ARID1B: variants seen among roughly 807,000 people sequenced by gnomAD.
ARID1B encodes AT-rich interactive domain-containing protein 1B.
In ARID1B, 30 loss-of-function variants were observed where a neutral mutation model predicts 212.3. The ratio of observed to expected loss-of-function variants is 0.14; its 90% CI spans 0.11 to 0.19. ARID1B has a LOEUF of 0.19. Among genes scored for constraint, ARID1B ranks in the 10% least tolerant of loss-of-function variants. The pLI is 1.00. For synonymous variants in ARID1B, 1,402 were observed against 1,301.7 expected (o/e 1.08, Z -1.66); for missense variants, 2,891 against 3,204.0 (o/e 0.90, Z 2.36).
chr6:156,866,095 C>T (rs772355925), intron 2 of ARID1B, among the ~76,000 whole-genome samples: 3 of 152,082 alleles, frequency 2.0e-5, no homozygotes, highest in Non-Finnish European at 4.4e-5. Flanking sequence ...TGGGACATTC[C>T]CACTCCCATC....
At chr6:156,938,313 G>A (rs1477437657) in intron 4 of ARID1B, 1 of 152,100 alleles carries the variant, frequency 6.6e-6, no homozygotes, top group Non-Finnish European at 1.5e-5. Flanking sequence ...ATTAGATACT[G>A]TAGTCCTCTA....
rs372876025 is a variant in ARID1B at position 156,815,333 on chromosome 6, G to A, written c.1792-13894G>A. On this transcript the variant is annotated intron_variant, in intron 1 of 19. Coordinates refer to ENST00000636930, the MANE Select transcript of ARID1B (RefSeq NM_001374828.1). Reference sequence around the variant, plus strand: ...TATTTTAAGATAGTAAAGATCCTTCGTGCGCTGATGCTAGATTGGTATATT... The same window carrying A: ...TATTTTAAGATAGTAAAGATCCTTCATGCGCTGATGCTAGATTGGTATATT... Among the ~76,000 whole-genome samples, 47 of 152,220 alleles carry A rather than the reference G, an allele frequency of 3.1e-4. No individual in the cohort carries two copies. In the South Asian group the frequency reaches 8.5e-3, roughly 28 times the overall value.
chr6:157,073,736 CT>C (rs1431000305), intron 4 of ARID1B, among the ~76,000 whole-genome samples: 1 of 152,212 alleles, frequency 6.6e-6, no homozygotes, highest in African/African-American at 2.4e-5. Flanking sequence ...TGAGTTTACA[CT>C]GCTCTTACCC....
intron 2 of ARID1B, among the ~76,000 whole-genome samples, chr6:156,851,455 A>T (rs578245880): frequency 1.3e-5 from 2 of 152,242 alleles, no homozygotes; most frequent in Non-Finnish European, 2.9e-5. Flanking sequence ...CCACTTTTGG[A>T]CAGTGAGTTA....
Position 157,203,453 on chromosome 6 carries a change from C to T in ARID1B, c.5264-413C>T, listed in dbSNP as rs1183185665. Among the ~76,000 whole-genome samples the T allele has an allele frequency of 2.6e-5, 4 of 152,178 alleles. No individual in the cohort carries two copies. Among genetic ancestry groups the T allele is most frequent in the Non-Finnish European group, 5.9e-5 (4 of 68,042 alleles). The stretch of plus-strand genomic sequence containing the variant: ...CTGCATACTTGGCGGCCTTCCAGGA[C>T]GCCACCTTGAGACACTCGTGAGTGG... On this transcript the variant is annotated intron_variant, in intron 18 of 19. Transcript: ENST00000636930. This position sits in a 1 kb window ranked among gnomAD's most constrained non-coding sequence, Gnocchi z 4.4.
At chr6:156,783,388 A>G (rs767643978) in intron 1 of ARID1B, among the ~76,000 whole-genome samples, 10 of 152,296 alleles carry the variant, frequency 6.6e-5, no homozygotes, top group South Asian at 2.1e-4. Context: ...ATGTAAGACA[A>G]TGTAGAGGAA....
At chr6:156,986,071 T>G (rs891192321) in intron 4 of ARID1B, among the ~76,000 whole-genome samples, 1 of 152,216 alleles carries the variant, frequency 6.6e-6, no homozygotes, top group East Asian at 1.9e-4. Flanking sequence ...GCTTTTTGTC[T>G]TTGATCTGTG....
At chr6:156,788,710 G>T (rs996346960) in intron 1 of ARID1B, among the ~76,000 whole-genome samples, 1 of 152,132 alleles carries the variant, frequency 6.6e-6, no homozygotes, top group African/African-American at 2.4e-5. Flanking sequence ...AATTTACTAT[G>T]CATGGAGGGT....
intron 4 of ARID1B, among the ~76,000 whole-genome samples, chr6:157,054,126 A>G (rs1406782533): frequency 1.3e-5 from 2 of 151,734 alleles, no homozygotes; most frequent in Non-Finnish European, 2.9e-5. Flanking sequence ...CGGAAGGCTG[A>G]GGCAGAAGAA....
rs1051017338 is a variant in ARID1B, at chr6:157,200,870, C to A, written c.4645C>A (p.Pro1549Thr). 4.3e-6 allele frequency: 7 copies of A among 1,614,042 alleles called. No homozygotes were observed. Among genetic ancestry groups the A allele is most frequent in the Non-Finnish European group, 5.9e-6 (7 of 1,180,030 alleles). ...RRPIQGQYPY[P>T]YSRERMQGPG... ...GCCCATCCAGGGCCAGTACCCGTAT[C>A]CCTACAGCAGGGAGAGGATGCAGGG... The change falls in exon 18 of 20, where the codon CCC becomes ACC. Residue 1549 changes from proline to threonine, a missense_variant. By Grantham distance (38) the Pro-to-Thr change is conservative. Around this residue, in one of 7 missense-constraint regions of ARID1B, gnomAD observed 666 missense variants for 873.5 expected, o/e 0.76. Coordinates refer to ENST00000636930, the MANE Select transcript of ARID1B (RefSeq NM_001374828.1). This position sits in a 1 kb window ranked among gnomAD's most constrained non-coding sequence, Gnocchi z 4.3.
At chr6:156,947,261 T>C (rs1434570551) in intron 4 of ARID1B, among the ~76,000 whole-genome samples, 1 of 152,206 alleles carries the variant, frequency 6.6e-6, no homozygotes, top group African/African-American at 2.4e-5. Context: ...TTGTATTTCT[T>C]TGTTTGATAT....
intron 7 of ARID1B, among the ~76,000 whole-genome samples, chr6:157,136,370 G>C (rs1788908316): frequency 6.6e-6 from 1 of 152,098 alleles, no homozygotes; most frequent in Non-Finnish European, 1.5e-5. Flanking sequence ...TACAGTAAGT[G>C]GCTGGGCCAG....
intron 1 of ARID1B, among the ~76,000 whole-genome samples, chr6:156,780,967 A>G (rs1334852454): frequency 6.6e-6 from 1 of 152,250 alleles, no homozygotes; most frequent in African/African-American, 2.4e-5. Flanking sequence ...TTCTGTCAGC[A>G]CACGCAGCTT....
chr6:156,911,585 T>A (rs1209044633), intron 3 of ARID1B, among the ~76,000 whole-genome samples: 1 of 152,198 alleles, frequency 6.6e-6, no homozygotes, highest in East Asian at 1.9e-4. Flanking sequence ...CTGAAATTCA[T>A]ATGTAAAGTG....
At chr6:157,114,153 T>C (rs1380411016) in intron 6 of ARID1B, among the ~76,000 whole-genome samples, 1 of 152,228 alleles carries the variant, frequency 6.6e-6, no homozygotes, top group Non-Finnish European at 1.5e-5. Context: ...ACGGTTGATA[T>C]ATACCTACCT....
At chr6:157,196,412 C>A in intron 16 of ARID1B, 97 bp downstream of exon 16, 1 of 1,412,474 alleles carries the variant, frequency 7.1e-7, no homozygotes, top group Non-Finnish European at 9.6e-7. Flanking sequence ...CCACTGATGA[C>A]AATATACAGT....
intron 8 of ARID1B, among the ~76,000 whole-genome samples, chr6:157,153,420 G>C (rs1228460438): frequency 6.6e-6 from 1 of 152,208 alleles, no homozygotes; most frequent in African/African-American, 2.4e-5. Context: ...GTTGTGTACA[G>C]TTTTAAAGCA....
At chr6:156,958,556 C>T (rs550771733) in intron 4 of ARID1B, among the ~76,000 whole-genome samples, 1 of 152,184 alleles carries the variant, frequency 6.6e-6, no homozygotes, top group South Asian at 2.1e-4. Flanking sequence ...TCCCTGAGAT[C>T]GTGAAGCACT....
chr6:156,945,589 A>T (rs537917515), intron 4 of ARID1B, among the ~76,000 whole-genome samples: 40 of 152,216 alleles, frequency 2.6e-4, no homozygotes, highest in African/African-American at 9.4e-4. Context: ...TGAGCTGTGC[A>T]GTGAGTCAGT....
Sources: allele counts gnomAD v4.1 joint callset (sites outside exome capture counted in the v4.1 genomes callset), GRCh38; gene constraint gnomAD v4.1.1; regional missense constraint gnomAD v4.1.1; non-coding constraint Gnocchi (gnomAD v3.1); transcripts MANE v1.5; gene names NCBI Gene and HGNC (gene_info 2026-07-23, HGNC 2026-07-21).